SH3TC1: variants seen among roughly 807,000 people sequenced by gnomAD.
SH3TC1 encodes the protein SH3 domain and tetratricopeptide repeats 1.
In SH3TC1, 135 loss-of-function variants were observed where a neutral mutation model predicts 117.3. That is an observed-to-expected ratio of 1.15 (90% CI 1.00 to 1.33). The LOEUF (loss-of-function observed/expected upper bound fraction) is 1.33. Ranked by LOEUF, SH3TC1 falls within the 40% of genes most tolerant of loss-of-function variation. SH3TC1 has a pLI of 0.00. For missense variants in SH3TC1, 2,092 were observed against 1,794.3 expected (o/e 1.17, Z -3.00); for synonymous variants, 898 against 816.9 (o/e 1.10, Z -1.69).
upstream of SH3TC1, among the ~76,000 whole-genome samples, chr4:8,198,260 C>T (rs924111593): frequency 6.6e-6 from 1 of 152,182 alleles, no homozygotes; most frequent in African/African-American, 2.4e-5. Flanking sequence ...CTCCCTGAGC[C>T]TTAGTTTTCC....
rs542291221 is a variant in SH3TC1 at position 8,186,268 on chromosome 4, C to T, written c.-57+4058C>T. On this transcript the variant is annotated intron_variant, in intron 1 of 16. Coordinates refer to the SH3TC1 transcript ENST00000508641. The surrounding 1 kb of genome is among the most constrained non-coding windows in gnomAD (Gnocchi z 5.2). ...GGGAGTGAGGAACATCAGACAAACCCCAGTGCAAGCACAATCACAAAGATA... is the reference window on the plus strand; with the variant it reads ...GGGAGTGAGGAACATCAGACAAACCTCAGTGCAAGCACAATCACAAAGATA... Among the ~76,000 whole-genome samples, 6 of 152,300 alleles carry T rather than the reference C, an allele frequency of 3.9e-5. No individual in the cohort carries two copies. The East Asian group carries it at 1.2e-3, about 29-fold the overall frequency.
intron 13 of SH3TC1, chr4:8,232,713 G>A: frequency 7.8e-7 from 1 of 1,290,122 alleles, no homozygotes; most frequent in Non-Finnish European, 1.0e-6. Context: ...ACAGGGCCCA[G>A]TGACATTGCT....
In SH3TC1 at chr4:8,228,547, GCTGGGCCATCTCTGCAC is replaced by G. The variant is rs1160216403; in HGVS notation, c.2855_2871del (p.Leu952ProfsTer54). Reference sequence around the variant, plus strand: ...GGGACTTCACCCACGTGCTCCTGCAGCTGGGCCATCTCTGCACCCGCCAGGGCCCGGCCCAGCAGGGC... The same window carrying G: ...GGGACTTCACCCACGTGCTCCTGCAGCCGCCAGGGCCCGGCCCAGCAGGGC... On this transcript the variant is annotated frameshift_variant, in exon 12 of 18. Coordinates refer to ENST00000245105, the MANE Select transcript of SH3TC1 (RefSeq NM_018986.5). LOFTEE classifies it high-confidence loss of function. 6.2e-7 allele frequency: 1 copy of G among 1,609,602 alleles called. No individual in the cohort carries two copies. Among genetic ancestry groups the G allele is most frequent in the African/African-American group, 1.3e-5 (1 of 74,926 alleles).
Position 8,227,417 on chromosome 4 carries a change from A to G in SH3TC1, c.1723A>G (p.Lys575Glu), listed in dbSNP as rs776109714. 7 of 1,550,720 alleles carry G rather than the reference A, an allele frequency of 4.5e-6. No homozygotes were observed. The South Asian group carries it at 8.7e-5, about 19-fold the overall frequency. ...GGGGCGGCTGTGCAGCAGGAGGCTC[A>G]AGCTGTCCCAGGCCCGGGTGTACTT... ...LLGRLCSRRL[K>E]LSQARVYFEE... Residue 575 changes from lysine (K) to glutamate (E), a missense_variant, in exon 12 of 18, where the codon AAG becomes GAG. Coordinates refer to ENST00000245105, the MANE Select transcript of SH3TC1 (RefSeq NM_018986.5).
chr4:8,224,211 A>G (rs572874592), intron 10 of SH3TC1, among the ~76,000 whole-genome samples: 9 of 152,174 alleles, frequency 5.9e-5, no homozygotes, highest in Non-Finnish European at 8.8e-5. Context: ...ATATAAACAG[A>G]TACATTTCCA....
intron 1 of SH3TC1, among the ~76,000 whole-genome samples, chr4:8,204,214 T>C (rs1718017294): frequency 6.6e-6 from 1 of 151,954 alleles, no homozygotes; most frequent in Non-Finnish European, 1.5e-5. Flanking sequence ...AGGGGACGAG[T>C]CCACGCACCG....
At position 8,227,414 on chromosome 4, in the gene SH3TC1, C is replaced by T; in HGVS notation, c.1720C>T (p.Leu574Phe). ...FLLGRLCSRR[L>F]KLSQARVYFE... ...CCTGGGGCGGCTGTGCAGCAGGAGG[C>T]TCAAGCTGTCCCAGGCCCGGGTGTA... is the stretch of plus-strand genomic sequence containing the variant. Residue 574 changes from leucine to phenylalanine, a missense_variant, in exon 12 of 18, where the codon CTC (leucine) becomes TTC (phenylalanine). By Grantham distance (22) the Leu-to-Phe change is conservative (BLOSUM62 0). Coordinates refer to ENST00000245105, the MANE Select transcript of SH3TC1 (RefSeq NM_018986.5). The T allele has an allele frequency of 1.3e-6, 2 of 1,550,820 alleles. No individual in the cohort carries two copies. Among genetic ancestry groups the T allele is most frequent in the Non-Finnish European group, 1.7e-6 (2 of 1,151,160 alleles).
At chr4:8,185,715 G>A (rs1281110) in intron 1 of SH3TC1, among the ~76,000 whole-genome samples, 1 of 151,996 alleles carries the variant, frequency 6.6e-6, no homozygotes, top group African/African-American at 2.4e-5. Context: ...GTGGTTTATC[G>A]GACACCCAGG....
In SH3TC1 at chr4:8,227,610, G is replaced by A; in HGVS notation, c.1916G>A (p.Cys639Tyr). ...CTCCTGGGGACGCCTGACCACATCT[G>A]CAGCACCGAGGCGGAGGGGGAGCTC... ...ALLLGTPDHI[C>Y]STEAEGELLQ... Residue 639 changes from cysteine to tyrosine, a missense_variant, in exon 12 of 18, where the codon TGC becomes TAC. Coordinates refer to ENST00000245105, the MANE Select transcript of SH3TC1 (RefSeq NM_018986.5). 2.6e-6 allele frequency: 4 copies of A among 1,525,214 alleles called. No individual in the cohort carries two copies. The highest frequency in any genetic ancestry group is 3.5e-6 in the Non-Finnish European group (4 of 1,139,656). The allele number at this position is 1,525,214 out of a possible 1,614,324, so 94.5% of individuals were successfully genotyped here.
chr4:8,209,995 G>A lies in SH3TC1; in HGVS notation c.247+173G>A, dbSNP rs111778400. Among the ~76,000 whole-genome samples the A allele has an allele frequency of 2.8e-3, 429 of 152,292 alleles. No homozygotes were observed. Among genetic ancestry groups the A allele is most frequent in the Non-Finnish European group, 5.0e-3 (340 of 68,008 alleles). ...TGTTAAATGCGCATGCCCAGGTCCT[G>A]CACCCAGAGGGGGACATGGCCCCTG... On this transcript the variant is annotated intron_variant, in intron 3 of 17. Transcript: ENST00000245105. The surrounding 1 kb of genome is among the most constrained non-coding windows in gnomAD (Gnocchi z 5.9).
chr4:8,224,807 G>A lies in SH3TC1; in HGVS notation c.1244-368G>A, dbSNP rs75004470. On this transcript the variant is annotated intron_variant, in intron 10 of 17. Transcript: ENST00000245105. ...GATGGAGCTGATGGAAGCCGAGAGC[G>A]TGCTCCCCACTGATGATGGGAGGAT... Among the ~76,000 whole-genome samples, 732 of 152,282 alleles carry A rather than the reference G, an allele frequency of 4.8e-3. 6 individuals carry two copies. The highest frequency in any genetic ancestry group is 0.016 in the African/African-American group (677 of 41,560).
intron 5 of SH3TC1, among the ~76,000 whole-genome samples, 164 bp downstream of exon 5, chr4:8,214,744 C>T (rs748658429): frequency 1.1e-4 from 16 of 152,306 alleles, no homozygotes; most frequent in Middle Eastern, 3.4e-3. Context: ...AGTGCAATGG[C>T]GCAATCTTAG....
At chr4:8,216,050 G>T in intron 5 of SH3TC1, 61 bp from the exon 6 acceptor site, 1 of 1,590,696 alleles carries the variant, frequency 6.3e-7, no homozygotes, top group East Asian at 2.2e-5. Context: ...GACCACACAG[G>T]CTTCCCTGCC....
Position 8,216,235 on chromosome 4 carries a change from C to T in SH3TC1, c.606C>T (p.His202=), listed in dbSNP as rs760433690. The T allele has an allele frequency of 1.5e-5, 25 of 1,613,452 alleles. No individual in the cohort carries two copies. In the South Asian group the frequency reaches 2.3e-4, roughly 15 times the overall value. The change falls in exon 6 of 18, where the codon CAC becomes CAT. Residue 202 remains histidine, a synonymous_variant. Transcript: ENST00000245105. ...ATGAGAACGCCTTAAGGCTGACCCA[C>T]GAGAGCCTCCTCATCCAAGAAGGTG... ...HVDENALRLT[H]ESLLIQEGPF...
chr4:8,221,786 C>CA (rs1317514317), intron 9 of SH3TC1, among the ~76,000 whole-genome samples: 2 of 152,228 alleles, frequency 1.3e-5, no homozygotes, highest in East Asian at 3.8e-4. Flanking sequence ...CCAGGAGCCA[C>CA]AATGATGGCC....
chr4:8,223,453 C>T lies in SH3TC1; in HGVS notation c.1243+483C>T, dbSNP rs78962271. On this transcript the variant is annotated intron_variant, in intron 10 of 17. Transcript: ENST00000245105. ...GGTGGGACCCCAGGGCTGCCGTCTC[C>T]TAAGGACAGAGATAGTCCCTCTGAC... Among the ~76,000 whole-genome samples, 1,017 of 152,322 alleles carry T rather than the reference C, an allele frequency of 6.7e-3. 10 individuals are homozygous for T. Among genetic ancestry groups the T allele is most frequent in the Admixed American group, 0.019 (291 of 15,310 alleles).
intron 2 of SH3TC1, among the ~76,000 whole-genome samples, chr4:8,207,972 G>A (rs1718344333): frequency 6.6e-6 from 1 of 152,226 alleles, no homozygotes; most frequent in Non-Finnish European, 1.5e-5. Flanking sequence ...CCATGACACA[G>A]GGTTGATTGA....
rs940225491 is a variant in SH3TC1 at position 8,192,700 on chromosome 4, G to A, written c.-57+10490G>A. On this transcript the variant is annotated intron_variant, in intron 1 of 16. Transcript: ENST00000508641. This position sits in a 1 kb window ranked among gnomAD's most constrained non-coding sequence, Gnocchi z 4.1. ...GTAGAGGTGGGGTTTCACTGTGTTG[G>A]TCAGGCTGGTCTCAAACTCCTGACC... Among the ~76,000 whole-genome samples, 2 of 151,944 alleles carry A rather than the reference G, an allele frequency of 1.3e-5. No individual in the cohort carries two copies. The highest frequency in any genetic ancestry group is 4.8e-5 in the African/African-American group (2 of 41,364).
At position 8,219,382 on chromosome 4, in the gene SH3TC1, G is replaced by A. The variant is rs141127247; in HGVS notation, c.964G>A (p.Glu322Lys). Residue 322 changes from glutamate (E) to lysine (K), a missense_variant, in exon 9 of 18, where the codon GAA (glutamate) becomes AAA (lysine). Physicochemically the swap from Glu to Lys is moderately conservative, Grantham distance 56 (BLOSUM62 1). Coordinates refer to ENST00000245105, the MANE Select transcript of SH3TC1 (RefSeq NM_018986.5). ...ALADFQGSGP[E>K]EMTFRGGDLI... ...GGCAGACTTCCAGGGCTCGGGGCCCGAAGAGATGACCTTCCGAGGTGGCGA... is the reference window on the plus strand; with the variant it reads ...GGCAGACTTCCAGGGCTCGGGGCCCAAAGAGATGACCTTCCGAGGTGGCGA... 85 of 1,608,902 alleles carry A rather than the reference G, an allele frequency of 5.3e-5. No individual in the cohort carries two copies. In the Middle Eastern group the frequency reaches 6.6e-4, roughly 12 times the overall value.
Sources: allele counts gnomAD v4.1 joint callset (sites outside exome capture counted in the v4.1 genomes callset), GRCh38; gene constraint gnomAD v4.1.1; non-coding constraint Gnocchi (gnomAD v3.1); transcripts MANE v1.5; gene names NCBI Gene and HGNC (gene_info 2026-07-23, HGNC 2026-07-21).